The following SH3KBP1 variants were observed in gnomAD, a reference collection of about 807,000 sequenced individuals.
SH3KBP1 encodes SH3 domain containing kinase binding protein 1.
SH3KBP1 carries 8 observed loss-of-function variants against 50.1 expected under a neutral mutation model. The ratio of observed to expected loss-of-function variants is 0.16; its 90% CI spans 0.09 to 0.29. SH3KBP1 has a LOEUF of 0.29. SH3KBP1 is among the 10% of genes least tolerant of loss of function. The probability of loss-of-function intolerance (pLI) is 1.00; values close to 1 mark genes in which losing one functional copy is unlikely to be tolerated. For synonymous variants in SH3KBP1, 227 were observed against 218.6 expected (o/e 1.04, Z -0.34); for missense variants, 377 against 535.2 (o/e 0.70, Z 2.92).
chrX:19,814,362 T>C (rs923275669), intron 2 of SH3KBP1, among the ~76,000 whole-genome samples: 13 of 111,126 alleles, frequency 1.2e-4, no homozygotes, highest in Non-Finnish European at 1.9e-5. Flanking sequence ...TGTTAAAACA[T>C]CTCTGGTCGC....
In SH3KBP1 at chrX:19,809,668, T is replaced by A. The variant is rs374720780; in HGVS notation, c.162+26457A>T. 2.7e-5 allele frequency among the ~76,000 whole-genome samples: 3 copies of A among 112,731 alleles called. No individual in the cohort carries two copies. In the East Asian group the frequency reaches 8.3e-4, roughly 31 times the overall value. ...ATATGAAAATTACATGTTAATTGAT[T>A]CACTATTCTTTAAACTGATATCCAA... On this transcript the variant is annotated intron_variant, in intron 2 of 17. Transcript: ENST00000397821.
intron 6 of SH3KBP1, among the ~76,000 whole-genome samples, chrX:19,675,683 C>T (rs923201984): frequency 1.2e-4 from 13 of 111,963 alleles, no homozygotes; most frequent in Non-Finnish European, 2.1e-4. Flanking sequence ...TGAGCCACCA[C>T]ACCCGGCCAA....
intron 3 of SH3KBP1, among the ~76,000 whole-genome samples, chrX:19,718,153 C>CAT (rs1361648145): frequency 9.1e-6 from 1 of 109,753 alleles, no homozygotes; most frequent in Non-Finnish European, 1.9e-5. Flanking sequence ...CACACACACA[C>CAT]ACACACACAC....
rs192502008 is a variant in SH3KBP1, at chrX:19,650,499, C to T, written c.727-5024G>A. 3.8e-3 allele frequency among the ~76,000 whole-genome samples: 418 copies of T among 110,555 alleles called. 3 individuals are homozygous for T. Among genetic ancestry groups the T allele is most frequent in the Non-Finnish European group, 5.2e-3 (272 of 52,702 alleles). On this transcript the variant is annotated intron_variant, in intron 6 of 17. Coordinates refer to ENST00000397821, the MANE Select transcript of SH3KBP1 (RefSeq NM_031892.3). Reference sequence around the variant, plus strand: ...ACGAGAACAGCATGGGGGGACCGCCCCCATAATCTAATCACCTCCCACAAG... The same window carrying T: ...ACGAGAACAGCATGGGGGGACCGCCTCCATAATCTAATCACCTCCCACAAG...
At position 19,569,500 on chromosome X, in the gene SH3KBP1, T is replaced by A. The variant is rs115692076; in HGVS notation, c.1299-312A>T. On this transcript the variant is annotated intron_variant, in intron 12 of 17. Coordinates refer to ENST00000397821, the MANE Select transcript of SH3KBP1 (RefSeq NM_031892.3). ...CAGGGTGCAGTATAGGGCCTGCTCC[T>A]GCCCTGCGGCCAAATAAACACTGGC... Among the ~76,000 whole-genome samples the A allele has an allele frequency of 4.0e-3, 450 of 112,882 alleles. 2 individuals carry two copies. Among genetic ancestry groups the A allele is most frequent in the African/African-American group, 0.014 (432 of 31,149 alleles).
intron 13 of SH3KBP1, among the ~76,000 whole-genome samples, chrX:19,561,773 C>T (rs947134349): frequency 3.7e-5 from 4 of 108,626 alleles, no homozygotes; most frequent in African/African-American, 1.3e-4. Context: ...GAATGTGCAT[C>T]ATTAATAAAA....
chrX:19,711,223 AG>A (rs1294427172), intron 3 of SH3KBP1, among the ~76,000 whole-genome samples: 1 of 111,703 alleles, frequency 9.0e-6, no homozygotes, highest in Non-Finnish European at 1.9e-5. Flanking sequence ...TTTGTTTGAA[AG>A]GTGGAACCAG....
intron 7 of SH3KBP1, among the ~76,000 whole-genome samples, chrX:19,637,696 C>A (rs2061740298): frequency 9.0e-6 from 1 of 111,437 alleles, no homozygotes; most frequent in South Asian, 3.8e-4. Flanking sequence ...CTCTTCCCTG[C>A]AGATGTGAAT....
rs143810290 is a variant in SH3KBP1 at position 19,815,807 on chromosome X, T to C, written c.162+20318A>G. 7.4e-3 allele frequency among the ~76,000 whole-genome samples: 834 copies of C among 112,235 alleles called. 15 individuals carry two copies. The highest frequency in any genetic ancestry group is 0.026 in the African/African-American group (790 of 30,910). On this transcript the variant is annotated intron_variant, in intron 2 of 17. Coordinates refer to ENST00000397821, the MANE Select transcript of SH3KBP1 (RefSeq NM_031892.3). ...CACACAGCACGATGCCCCTGAGATC[T>C]ATCTAAGTTGTTGTGTGTATCCGAG... is the stretch of plus-strand genomic sequence containing the variant.
intron 1 of SH3KBP1, among the ~76,000 whole-genome samples, chrX:19,852,446 T>C (rs1363995722): frequency 9.0e-6 from 1 of 110,854 alleles, no homozygotes; most frequent in Non-Finnish European, 1.9e-5. Flanking sequence ...GGAACTGGAA[T>C]ACGCTCTACA....
intron 6 of SH3KBP1, among the ~76,000 whole-genome samples, chrX:19,674,230 T>G (rs1397569647): frequency 1.8e-5 from 2 of 111,379 alleles, no homozygotes; most frequent in Non-Finnish European, 3.8e-5. Flanking sequence ...TCCATTCCGA[T>G]GAACCACACC....
intron 13 of SH3KBP1, among the ~76,000 whole-genome samples, chrX:19,554,057 T>A (rs376623987): frequency 1.1e-4 from 6 of 53,768 alleles, no homozygotes; most frequent in Non-Finnish European, 1.5e-4. Flanking sequence ...TAAAATATAT[T>A]ATATATATTA....
chrX:19,566,638 T>G (rs181256852), intron 13 of SH3KBP1, among the ~76,000 whole-genome samples: 2 of 111,584 alleles, frequency 1.8e-5, no homozygotes, highest in Non-Finnish European at 3.8e-5. Flanking sequence ...CCCCTTTCAT[T>G]CACAGCCAAT....
intron 7 of SH3KBP1, among the ~76,000 whole-genome samples, chrX:19,641,730 A>G (rs776880704): frequency 1.8e-5 from 2 of 112,241 alleles, no homozygotes; most frequent in Non-Finnish European, 3.8e-5. Flanking sequence ...TTTGGAACAT[A>G]CTTTCGAAAG....
intron 8 of SH3KBP1, among the ~76,000 whole-genome samples, chrX:19,628,454 C>T (rs182757447): frequency 7.1e-4 from 79 of 111,336 alleles, no homozygotes; most frequent in African/African-American, 2.4e-3. Flanking sequence ...GGGTAAGCAA[C>T]ATGCCCGAAA....
chrX:19,885,714 T>G (rs1369390545), intron 1 of SH3KBP1, among the ~76,000 whole-genome samples: 1 of 111,025 alleles, frequency 9.0e-6, no homozygotes, highest in Admixed American at 9.5e-5. Context: ...AAACAGAATT[T>G]TTGGTTACCT....
intron 8 of SH3KBP1, among the ~76,000 whole-genome samples, chrX:19,608,526 C>G (rs1020970575): frequency 9.0e-6 from 1 of 110,763 alleles, no homozygotes; most frequent in East Asian, 2.8e-4. Context: ...CCGGACTGGT[C>G]TCAAACTCCT....
In SH3KBP1 at chrX:19,694,724, C is replaced by T. The variant is rs140636641; in HGVS notation, c.520+888G>A. ...ATCAGACACTTGTCTAATCATACTA[C>T]TGGTTAAATAAATGAGACACAAACT... On this transcript the variant is annotated intron_variant, in intron 5 of 17. Coordinates refer to ENST00000397821, the MANE Select transcript of SH3KBP1 (RefSeq NM_031892.3). Among the ~76,000 whole-genome samples the T allele has an allele frequency of 4.7e-3, 522 of 111,771 alleles. 4 individuals are homozygous for T. The highest frequency in any genetic ancestry group is 0.016 in the African/African-American group (507 of 30,757).
At chrX:19,594,739 A>G (rs115483131) in intron 10 of SH3KBP1, among the ~76,000 whole-genome samples, 3,564 of 111,168 alleles carry the variant, frequency 0.032, 144 homozygotes, top group African/African-American at 0.11. Context: ...TTTTTACACT[A>G]TATCAGGGTC....
Sources: allele counts gnomAD v4.1 joint callset (sites outside exome capture counted in the v4.1 genomes callset), GRCh38; gene constraint gnomAD v4.1.1; transcripts MANE v1.5; gene names NCBI Gene and HGNC (gene_info 2026-07-23, HGNC 2026-07-21).